Variants in FNDC3B observed in about 807,000 individuals in gnomAD.
FNDC3B encodes fibronectin type III domain-containing protein 3B.
FNDC3B carries 12 observed loss-of-function variants against 151.5 expected under a neutral mutation model. The observed-to-expected ratio is 0.08, with a 90% confidence interval of 0.05 to 0.13. The LOEUF (loss-of-function observed/expected upper bound fraction) is 0.13, where lower values mean the gene tolerates loss of function less well. FNDC3B is among the 10% of genes least tolerant of loss of function. The pLI, the probability that FNDC3B is intolerant of heterozygous loss-of-function variation, is 1.00. For missense variants in FNDC3B, 1,214 were observed against 1,505.3 expected (o/e 0.81, Z 3.20); for synonymous variants, 528 against 549.0 (o/e 0.96, Z 0.54).
At chr3:172,305,315 A>C (rs368169028) in intron 9 of FNDC3B, among the ~76,000 whole-genome samples, 1 of 152,234 alleles carries the variant, frequency 6.6e-6, no homozygotes, top group African/African-American at 2.4e-5. Context: ...ATGTGTGAAT[A>C]TGTGGTTTGG....
intron 22 of FNDC3B, 102 bp downstream of exon 22, chr3:172,353,185 T>C (rs796093584): frequency 8.7e-7 from 1 of 1,143,366 alleles, no homozygotes. Flanking sequence ...CTCCCAGCTG[T>C]TTCTAAGAGC....
At chr3:172,376,729 C>G (rs569881379) in intron 23 of FNDC3B, among the ~76,000 whole-genome samples, 1 of 152,034 alleles carries the variant, frequency 6.6e-6, no homozygotes, top group Admixed American at 6.6e-5. Flanking sequence ...CTTCCTTACA[C>G]AGCAAAGCAG....
chr3:172,050,447 G>A (rs978946779), intron 1 of FNDC3B, among the ~76,000 whole-genome samples: 2 of 151,446 alleles, frequency 1.3e-5, no homozygotes, highest in African/African-American at 4.9e-5. Context: ...GCAGTGGCAC[G>A]ATCTTGGCTC....
Position 172,219,766 on chromosome 3 carries a change from T to A in FNDC3B, c.188-7105T>A, listed in dbSNP as rs116233174. Among the ~76,000 whole-genome samples the A allele has an allele frequency of 3.2e-3, 488 of 152,376 alleles. 2 individuals are homozygous for A. The highest frequency in any genetic ancestry group is 0.011 in the African/African-American group (470 of 41,594). On this transcript the variant is annotated intron_variant, in intron 3 of 25. Transcript: ENST00000415807. ...CTGATCCTAATGCTTTCAAGCTTTA[T>A]CAGCATTGTAGCTTGTATTAGTGCT...
intron 6 of FNDC3B, among the ~76,000 whole-genome samples, chr3:172,261,119 ACCATGTCTT>A (rs1728624681): frequency 6.6e-6 from 1 of 152,122 alleles, no homozygotes; most frequent in Non-Finnish European, 1.5e-5. Context: ...CAACTTGTAC[ACCATGTCTT>A]CCGCATTCTG....
chr3:172,330,454 G>A, intron 12 of FNDC3B, 87 bp from the exon 13 acceptor site: 1 of 1,178,524 alleles, frequency 8.5e-7, no homozygotes, highest in African/African-American at 1.5e-5. Context: ...GCTGAGTTGG[G>A]TAGTGTGCAG....
rs190379747 is a variant in FNDC3B at position 172,346,991 on chromosome 3, G to A, written c.2365-221G>A. ...AGTGCTGGGATTACAGGCATGAGCC[G>A]CCGCACCTGGCCCTATTTTATTTTT... On this transcript the variant is annotated intron_variant, in intron 20 of 25. Transcript: ENST00000415807. 4.8e-3 allele frequency among the ~76,000 whole-genome samples: 732 copies of A among 152,206 alleles called. 6 individuals are homozygous for A. Among genetic ancestry groups the A allele is most frequent in the African/African-American group, 0.017 (692 of 41,536 alleles).
chr3:172,177,249 C>CGGATTCCTGGGCCTAATGCCAGGTCTACT (rs1560002892), intron 3 of FNDC3B, among the ~76,000 whole-genome samples: 1 of 152,176 alleles, frequency 6.6e-6, no homozygotes, highest in Non-Finnish European at 1.5e-5. Flanking sequence ...GTTAAGTATT[C>CGGATTCCTGGGCCTAATGCCAGGTCTACT]GGATTCCTGG....
At chr3:172,146,829 CAA>C (rs1359852169) in intron 3 of FNDC3B, among the ~76,000 whole-genome samples, 2 of 152,152 alleles carry the variant, frequency 1.3e-5, no homozygotes, top group South Asian at 2.1e-4. Flanking sequence ...AAGTAATAAA[CAA>C]GAACCATCAG....
intron 3 of FNDC3B, among the ~76,000 whole-genome samples, chr3:172,157,499 G>C (rs185961478): frequency 6.6e-6 from 1 of 152,150 alleles, no homozygotes; most frequent in Non-Finnish European, 1.5e-5. Flanking sequence ...TTAAAATATG[G>C]AGTGGTTCTA....
chr3:172,168,875 C>T (rs1318420694), intron 3 of FNDC3B, among the ~76,000 whole-genome samples: 1 of 151,232 alleles, frequency 6.6e-6, no homozygotes, highest in Non-Finnish European at 1.5e-5. Flanking sequence ...CCACTCCCGG[C>T]TAATTTTTGT....
At chr3:172,115,207 T>C (rs1720184779) in intron 2 of FNDC3B, among the ~76,000 whole-genome samples, 1 of 152,202 alleles carries the variant, frequency 6.6e-6, no homozygotes, top group South Asian at 2.1e-4. Flanking sequence ...TCCTTTGGGT[T>C]CTAACATTTA....
At chr3:172,377,576 G>A (rs1316335973) in intron 23 of FNDC3B, among the ~76,000 whole-genome samples, 2 of 152,188 alleles carry the variant, frequency 1.3e-5, no homozygotes, top group African/African-American at 4.8e-5. Flanking sequence ...TAGCAGAGAA[G>A]TGTAAAATAG....
chr3:172,234,747 A>G (rs540050972), intron 4 of FNDC3B, among the ~76,000 whole-genome samples: 9 of 152,352 alleles, frequency 5.9e-5, no homozygotes, highest in African/African-American at 1.9e-4. Flanking sequence ...ATTACATTTT[A>G]TTTAATTGCA....
At chr3:172,338,079 C>T (rs1004337704) in intron 16 of FNDC3B, 1 of 152,242 alleles carries the variant, frequency 6.6e-6, no homozygotes, top group Non-Finnish European at 1.5e-5. Context: ...AATCCCAGCA[C>T]TTTGGGAGGC....
At chr3:172,146,233 G>T (rs1014801328) in intron 3 of FNDC3B, among the ~76,000 whole-genome samples, 1 of 152,130 alleles carries the variant, frequency 6.6e-6, no homozygotes, top group Non-Finnish European at 1.5e-5. Flanking sequence ...TAATAGTCAC[G>T]ACAGTTCTTA....
chr3:172,235,397 C>T (rs1727099600), intron 4 of FNDC3B, among the ~76,000 whole-genome samples: 1 of 152,064 alleles, frequency 6.6e-6, no homozygotes, highest in Non-Finnish European at 1.5e-5. Flanking sequence ...ATCATGGTCC[C>T]CTGAATTCTG....
At chr3:172,055,997 G>A (rs1716894233) in intron 1 of FNDC3B, among the ~76,000 whole-genome samples, 1 of 152,014 alleles carries the variant, frequency 6.6e-6, no homozygotes. Context: ...TAGCCAGGAT[G>A]GTCTCAGTCT....
chr3:172,125,258 A>G (rs767573174), intron 2 of FNDC3B, among the ~76,000 whole-genome samples: 1 of 152,204 alleles, frequency 6.6e-6, no homozygotes, highest in Non-Finnish European at 1.5e-5. Context: ...CAGCAGTGGT[A>G]GTGTCGGAAG....
Sources: gnomAD v4.1 joint callset for allele counts (sites outside exome capture counted in the v4.1 genomes callset) on GRCh38, gnomAD v4.1.1 for gene constraint, MANE v1.5 for transcripts, NCBI Gene and HGNC (gene_info 2026-07-23, HGNC 2026-07-21) for gene names.